STT3B: variants seen among roughly 807,000 people sequenced by gnomAD.
The protein encoded by STT3B is STT3 oligosaccharyltransferase complex catalytic subunit B.
STT3B carries 29 observed loss-of-function variants against 96.8 expected under a neutral mutation model. The ratio of observed to expected loss-of-function variants is 0.30; its 90% CI spans 0.22 to 0.41. The LOEUF is 0.41. Ranked by LOEUF, STT3B falls within the 10% of genes least tolerant of loss-of-function variation. STT3B has a pLI of 1.00. For missense variants in STT3B, 640 were observed against 1,022.3 expected (o/e 0.63, Z 5.10); for synonymous variants, 367 against 360.0 (o/e 1.02, Z -0.22).
rs114919333 is a variant in STT3B at position 31,596,490 on chromosome 3, T to C, written c.712-308T>C. ...GTGGCCATGGTGACCTGTGGCATGG[T>C]GTGTGGATATCAGTGAGGGCAAGAG... On this transcript the variant is annotated intron_variant, in intron 3 of 15. Coordinates refer to ENST00000295770, the MANE Select transcript of STT3B (RefSeq NM_178862.3). Among the ~76,000 whole-genome samples, 3,253 of 152,110 alleles carry C rather than the reference T, an allele frequency of 0.021. 45 individuals carry two copies. The highest frequency in any genetic ancestry group is 0.031 in the Non-Finnish European group (2,113 of 67,994).
chr3:31,604,192 AGAT>A (rs1040796690), intron 5 of STT3B, among the ~76,000 whole-genome samples: 14 of 151,948 alleles, frequency 9.2e-5, no homozygotes, highest in African/African-American at 3.1e-4. Flanking sequence ...TGTATTTTTT[AGAT>A]GATATTTGCT....
At chr3:31,573,925 T>TC (rs1698211289) in intron 1 of STT3B, among the ~76,000 whole-genome samples, 1 of 151,850 alleles carries the variant, frequency 6.6e-6, no homozygotes, top group Non-Finnish European at 1.5e-5. Flanking sequence ...GGTAAAAAAA[T>TC]CAAGAGACTG....
At chr3:31,621,081 CT>C (rs1286338418) in intron 9 of STT3B, among the ~76,000 whole-genome samples, 2 of 152,088 alleles carry the variant, frequency 1.3e-5, no homozygotes, top group African/African-American at 2.4e-5. Context: ...ACAGTAACCC[CT>C]AATAGTAAAT....
At chr3:31,558,866 T>G (rs1363939838) in intron 1 of STT3B, among the ~76,000 whole-genome samples, 1 of 147,392 alleles carries the variant, frequency 6.8e-6, no homozygotes, top group Non-Finnish European at 1.5e-5. Context: ...TGTTCAGGTT[T>G]TTTTTTTTTT....
intron 1 of STT3B, among the ~76,000 whole-genome samples, chr3:31,561,541 C>T (rs1350932681): frequency 6.6e-6 from 1 of 152,004 alleles, no homozygotes; most frequent in South Asian, 2.1e-4. Flanking sequence ...TTTGTGTGTG[C>T]CCATTTAACC....
intron 1 of STT3B, among the ~76,000 whole-genome samples, chr3:31,561,968 G>C (rs1697889895): frequency 6.6e-6 from 1 of 152,124 alleles, no homozygotes. Context: ...AGGCTGTGGT[G>C]AAGTTTTGAT....
intron 11 of STT3B, among the ~76,000 whole-genome samples, chr3:31,624,126 A>G (rs1699483272): frequency 6.6e-6 from 1 of 152,162 alleles, no homozygotes; most frequent in Non-Finnish European, 1.5e-5. Context: ...TTCAGTTACA[A>G]ACGATCAAGT....
intron 1 of STT3B, among the ~76,000 whole-genome samples, chr3:31,570,697 A>G (rs1284482248): frequency 6.6e-6 from 1 of 152,208 alleles, no homozygotes; most frequent in Non-Finnish European, 1.5e-5. Flanking sequence ...TTCAGGAACT[A>G]ATGCAATAGG....
At chr3:31,564,747 A>G (rs562940427) in intron 1 of STT3B, among the ~76,000 whole-genome samples, 4 of 152,318 alleles carry the variant, frequency 2.6e-5, no homozygotes, top group East Asian at 3.9e-4. Context: ...AAAGTTCATC[A>G]GGGTTACGTA....
At chr3:31,620,924 A>G (rs992322264) in intron 9 of STT3B, among the ~76,000 whole-genome samples, 1 of 152,222 alleles carries the variant, frequency 6.6e-6, no homozygotes, top group African/African-American at 2.4e-5. Flanking sequence ...TGGATCCTGG[A>G]TGAGGCCCTG....
intron 3 of STT3B, among the ~76,000 whole-genome samples, chr3:31,594,061 A>G (rs1185965156): frequency 6.6e-6 from 1 of 152,210 alleles, no homozygotes; most frequent in African/African-American, 2.4e-5. Flanking sequence ...AGCCTCTGCT[A>G]CTGGACTCCT....
intron 1 of STT3B, among the ~76,000 whole-genome samples, chr3:31,538,907 G>A (rs945134637): frequency 6.6e-6 from 1 of 152,040 alleles, no homozygotes; most frequent in Non-Finnish European, 1.5e-5. Context: ...TGGGAATTTA[G>A]AAATTGATAG....
At chr3:31,577,438 C>T (rs1381694200) in intron 2 of STT3B, among the ~76,000 whole-genome samples, 7 of 152,058 alleles carry the variant, frequency 4.6e-5, no homozygotes, top group Non-Finnish European at 7.4e-5. Flanking sequence ...TTCCCTGACT[C>T]ATGGATTATT....
intron 5 of STT3B, among the ~76,000 whole-genome samples, chr3:31,603,320 G>A (rs1698975149): frequency 1.3e-5 from 2 of 151,984 alleles, no homozygotes; most frequent in African/African-American, 2.4e-5. Flanking sequence ...TGGAAAAGGA[G>A]GCACATGGGT....
intron 4 of STT3B, 64 bp downstream of exon 4, chr3:31,596,927 T>C: frequency 8.3e-7 from 1 of 1,199,684 alleles, no homozygotes; most frequent in East Asian, 2.3e-5. Flanking sequence ...AACAGTTCTT[T>C]TCTCCTGAAG....
At chr3:31,546,871 A>T (rs1697425934) in intron 1 of STT3B, among the ~76,000 whole-genome samples, 1 of 152,128 alleles carries the variant, frequency 6.6e-6, no homozygotes, top group Admixed American at 6.5e-5. Flanking sequence ...CATTTTACAG[A>T]TGAGAGAGTA....
At chr3:31,630,261 A>G (rs1699626245) in intron 14 of STT3B, among the ~76,000 whole-genome samples, 1 of 152,220 alleles carries the variant, frequency 6.6e-6, no homozygotes, top group African/African-American at 2.4e-5. Flanking sequence ...TTTACTGGAG[A>G]CAACTCTAAG....
Position 31,636,713 on chromosome 3 carries a change from T to C in STT3B, c.*649T>C, listed in dbSNP as rs558154866. 6.6e-6 allele frequency: 1 copy of C among 152,310 alleles called. No individual in the cohort carries two copies. Among genetic ancestry groups the C allele is most frequent in the Non-Finnish European group, 1.5e-5 (1 of 68,018 alleles). 9.4% of individuals were successfully genotyped at this position (152,310 alleles called of 1,614,324 possible). The stretch of plus-strand genomic sequence containing the variant: ...AAGTAGTTTTTTTATGTTGACACAT[T>C]ATTACTGCTGTTAGCAGTCGTTTTC... On this transcript the variant is annotated 3_prime_UTR_variant, in exon 16 of 16. Coordinates refer to ENST00000295770, the MANE Select transcript of STT3B (RefSeq NM_178862.3).
intron 3 of STT3B, among the ~76,000 whole-genome samples, chr3:31,586,692 A>G (rs766048303): frequency 6.6e-6 from 1 of 152,132 alleles, no homozygotes; most frequent in Non-Finnish European, 1.5e-5. Flanking sequence ...AATTGAATAT[A>G]TACATATGGG....
Sources: allele counts gnomAD v4.1 joint callset (sites outside exome capture counted in the v4.1 genomes callset), GRCh38; gene constraint gnomAD v4.1.1; transcripts MANE v1.5; gene names NCBI Gene and HGNC (gene_info 2026-07-23, HGNC 2026-07-21).